AXDND1: variants seen among roughly 807,000 people sequenced by gnomAD.
AXDND1 encodes the protein axonemal dynein light chain domain-containing protein 1.
Under a neutral mutation model 137.5 loss-of-function variants are expected in AXDND1, and 110 were observed. That is an observed-to-expected ratio of 0.80 (90% CI 0.69 to 0.94). The LOEUF (loss-of-function observed/expected upper bound fraction) is 0.94. Ranked by LOEUF, AXDND1 falls within the 40% of genes least tolerant of loss-of-function variation. The pLI is 0.00. For synonymous variants in AXDND1, 414 were observed against 399.7 expected, an observed-to-expected ratio of 1.04 and a Z score of -0.43; for missense variants, 1,191 against 1,169.8, an observed-to-expected ratio of 1.02 and a Z score of -0.26.
At chr1:179,486,347 C>A (rs1666081426) in intron 18 of AXDND1, among the ~76,000 whole-genome samples, 1 of 151,960 alleles carries the variant, frequency 6.6e-6, no homozygotes, top group Non-Finnish European at 1.5e-5. Flanking sequence ...ATCAAATATA[C>A]AACTCATTGG....
chr1:179,552,577 T>G (rs763475216), intron 25 of AXDND1: 1 of 1,599,558 alleles, frequency 6.3e-7, no homozygotes, highest in South Asian at 1.1e-5. Flanking sequence ...TAAAGGGCAG[T>G]CTGGGTGGGA....
intron 16 of AXDND1, chr1:179,447,991 G>T: frequency 2.8e-6 from 4 of 1,420,136 alleles, no homozygotes; most frequent in Non-Finnish European, 4.0e-6. Context: ...CCCTGGGTTA[G>T]TGTAGGACAA....
Position 179,468,642 on chromosome 1 carries a change from G to A in AXDND1, c.1997+1G>A, listed in dbSNP as rs146368584. 33 of 1,589,404 alleles carry A rather than the reference G, an allele frequency of 2.1e-5. No individual in the cohort carries two copies. The highest frequency in any genetic ancestry group is 2.0e-4 in the Middle Eastern group (1 of 4,948). On this transcript the variant is annotated splice_donor_variant, in intron 17 of 25. Transcript: ENST00000367618. LOFTEE classifies it high-confidence loss of function. ...AGCACATAGATGTGGATTCTGTTTC[G>A]TAAGTTCCCATAGGTTTCTTTTGTT...
intron 20 of AXDND1, among the ~76,000 whole-genome samples, chr1:179,493,572 G>A (rs963619652): frequency 2.6e-5 from 4 of 152,132 alleles, no homozygotes; most frequent in South Asian, 2.1e-4. Flanking sequence ...TTAAAGAAAC[G>A]GTCAAACTGC....
intron 20 of AXDND1, among the ~76,000 whole-genome samples, chr1:179,508,533 T>G (rs537806868): frequency 6.6e-6 from 1 of 152,204 alleles, no homozygotes; most frequent in South Asian, 2.1e-4. Context: ...ATAATGTACC[T>G]TTTAAACGTT....
intron 9 of AXDND1, among the ~76,000 whole-genome samples, chr1:179,386,775 A>G (rs1451422626): frequency 6.6e-6 from 1 of 152,000 alleles, no homozygotes; most frequent in Admixed American, 6.6e-5. Flanking sequence ...CCCAGGCTGG[A>G]GTGCAGTGGC....
chr1:179,554,473 C>G, intron 25 of AXDND1, 39 bp from the exon 26 acceptor site: 1 of 1,613,980 alleles, frequency 6.2e-7, no homozygotes, highest in Non-Finnish European at 8.5e-7. Flanking sequence ...ATTTCCTACC[C>G]ACATTTCTAT....
chr1:179,483,466 A>G (rs978512463), intron 18 of AXDND1, among the ~76,000 whole-genome samples: 1 of 152,260 alleles, frequency 6.6e-6, no homozygotes, highest in Non-Finnish European at 1.5e-5. Flanking sequence ...GTACGGATTC[A>G]GGCAATCCCT....
At chr1:179,497,855 T>C (rs1384796777) in intron 20 of AXDND1, among the ~76,000 whole-genome samples, 1 of 152,152 alleles carries the variant, frequency 6.6e-6, no homozygotes, top group Non-Finnish European at 1.5e-5. Context: ...AGCATTTCTA[T>C]ACACCAATAA....
intron 20 of AXDND1, among the ~76,000 whole-genome samples, chr1:179,500,498 G>A (rs1164855896): frequency 6.6e-6 from 1 of 151,836 alleles, no homozygotes; most frequent in African/African-American, 2.4e-5. Flanking sequence ...TTTCTTTCTA[G>A]AGTATATTTC....
At chr1:179,448,967 GTC>G in intron 16 of AXDND1, 1 of 294,182 alleles carries the variant, frequency 3.4e-6, no homozygotes, top group Admixed American at 4.6e-5. Context: ...TCTCATTGCA[GTC>G]TCAGCCTCCT....
At chr1:179,553,403 A>G (rs1050895917) in intron 25 of AXDND1, among the ~76,000 whole-genome samples, 29 of 152,376 alleles carry the variant, frequency 1.9e-4, no homozygotes, top group Middle Eastern at 3.4e-3. Context: ...TAGCCTCACA[A>G]TGAAATATTA....
rs1162690511 is a variant in AXDND1, at chr1:179,488,740, T to C, written c.2092-2798T>C. ...TCTCTCTTTCTTTCTCTCTCTCTCT[T>C]TCTTTTTTTTTTGAAATGGAGTCTC... On this transcript the variant is annotated intron_variant, in intron 18 of 25. Coordinates refer to ENST00000367618, the MANE Select transcript of AXDND1 (RefSeq NM_144696.6). Among the ~76,000 whole-genome samples the C allele has an allele frequency of 1.6e-5, 2 of 127,628 alleles. 1 individual carries two copies. The highest frequency in any genetic ancestry group is 3.4e-5 in the Non-Finnish European group (2 of 58,988). The allele number at this position is 127,628 out of a possible 152,430, so 83.7% of individuals were successfully genotyped here. A position where few individuals can be genotyped will look rare whatever the true frequency, so the allele number is the denominator to read the frequency against.
intron 21 of AXDND1, among the ~76,000 whole-genome samples, chr1:179,522,068 C>G (rs1459143321): frequency 6.6e-6 from 1 of 152,102 alleles, no homozygotes; most frequent in Non-Finnish European, 1.5e-5. Context: ...TCTCAGTCAT[C>G]TATTCAAATA....
At chr1:179,413,056 C>G (rs1215571078) in intron 12 of AXDND1, among the ~76,000 whole-genome samples, 1 of 151,972 alleles carries the variant, frequency 6.6e-6, no homozygotes, top group Non-Finnish European at 1.5e-5. Context: ...TTTCCTTTTA[C>G]TTTATTAACA....
intron 2 of AXDND1, among the ~76,000 whole-genome samples, 158 bp from the exon 3 acceptor site, chr1:179,368,642 T>C (rs892708538): frequency 1.3e-5 from 2 of 152,182 alleles, no homozygotes; most frequent in African/African-American, 4.8e-5. Flanking sequence ...GACTAGATGA[T>C]GTTCACTGTT....
intron 16 of AXDND1, among the ~76,000 whole-genome samples, chr1:179,463,153 T>C (rs958266992): frequency 6.6e-6 from 1 of 152,238 alleles, no homozygotes; most frequent in Non-Finnish European, 1.5e-5. Flanking sequence ...TTTCTTGCCT[T>C]CTGCTAGCTT....
rs56117681 is a variant in AXDND1 at position 179,419,419 on chromosome 1, C to T, written c.1230+8153C>T. Among the ~76,000 whole-genome samples, 16 of 147,138 alleles carry T rather than the reference C, an allele frequency of 1.1e-4. No individual in the cohort carries two copies. The East Asian group carries it at 2.9e-3, about 26-fold the overall frequency. On this transcript the variant is annotated intron_variant, in intron 12 of 25. Transcript: ENST00000367618. The stretch of plus-strand genomic sequence containing the variant: ...TCGCGGTTAGGAGCTGGAGACCAGC[C>T]CGGCCAACACAGCGAAACCCCGTCT...
intron 11 of AXDND1, among the ~76,000 whole-genome samples, chr1:179,398,621 G>A (rs565109117): frequency 2.6e-5 from 4 of 152,122 alleles, no homozygotes; most frequent in African/African-American, 9.6e-5. Flanking sequence ...GCAACTGTGT[G>A]CACAGTTGTG....
Sources: gnomAD v4.1 joint callset for allele counts (sites outside exome capture counted in the v4.1 genomes callset) on GRCh38, gnomAD v4.1.1 for gene constraint, MANE v1.5 for transcripts, NCBI Gene and HGNC (gene_info 2026-07-23, HGNC 2026-07-21) for gene names.